The following KIFBP variants were observed in gnomAD, a reference collection of about 807,000 sequenced individuals.
The protein encoded by KIFBP is kinesin family binding protein, also known as KIF-binding protein.
In KIFBP, 46 loss-of-function variants were observed where a neutral mutation model predicts 58.9. That is an observed-to-expected ratio of 0.78 (90% CI 0.62 to 1.00). The LOEUF is 1.00. KIFBP is among the 50% of genes least tolerant of loss of function. The pLI is 0.00. For synonymous variants in KIFBP, 241 were observed against 283.4 expected, an observed-to-expected ratio of 0.85 and a Z score of 1.50; for missense variants, 651 against 752.9, an observed-to-expected ratio of 0.86 and a Z score of 1.58.
In KIFBP at chr10:69,008,880, A is replaced by G; in HGVS notation, c.829A>G (p.Asn277Asp). Residue 277 changes from asparagine (N) to aspartate (D), a missense_variant, in exon 5 of 7, where the codon AAT becomes GAT. Transcript: ENST00000361983. The part of the protein sequence containing the change: ...MEARHCLSAA[N>D]VIFGQTGKIS... ...GGCCAGGCACTGTTTATCAGCTGCT[A>G]ATGTCATTTTTGGTCAAACTGGAAA... 1.9e-6 allele frequency: 3 copies of G among 1,613,806 alleles called. No individual in the cohort carries two copies. Among genetic ancestry groups the G allele is most frequent in the Non-Finnish European group, 2.5e-6 (3 of 1,179,828 alleles).
At chr10:69,015,446 T>C (rs1564639326) in intron 6 of KIFBP, 95 bp from the exon 7 acceptor site, 9 of 1,237,178 alleles carry the variant, frequency 7.3e-6, no homozygotes, top group Non-Finnish European at 1.0e-5. Context: ...AGTAAGAGAC[T>C]TCTCTTCTAA....
chr10:68,989,419 G>A, intron 1 of KIFBP, 161 bp downstream of exon 1: 2 of 795,642 alleles, frequency 2.5e-6, no homozygotes, highest in South Asian at 1.6e-5. Flanking sequence ...CTTCAAAAAA[G>A]CCAGTCTTAT....
intron 1 of KIFBP, among the ~76,000 whole-genome samples, chr10:68,993,736 G>A (rs1395029934): frequency 6.6e-6 from 1 of 152,020 alleles, no homozygotes; most frequent in African/African-American, 2.4e-5. Flanking sequence ...TTATGGGCAT[G>A]AGCCACTGAG....
At position 69,015,522 on chromosome 10, in the gene KIFBP, T is replaced by C. The variant is rs755355820; in HGVS notation, c.991-19T>C. 9.3e-6 allele frequency: 15 copies of C among 1,611,510 alleles called. No individual in the cohort carries two copies. Among genetic ancestry groups the C allele is most frequent in the Non-Finnish European group, 1.3e-5 (15 of 1,178,684 alleles). ...GGTGAGTGTCCTACTTAACCATAAT[T>C]TATTTTTTTTTCCTTCAGGACAACA... On this transcript the variant is annotated intron_variant, in intron 6 of 6. Transcript: ENST00000361983.
rs34786287 is a variant in KIFBP at position 69,011,683 on chromosome 10, C to CTTT, written c.990+695_990+697dup. 9.4e-4 allele frequency among the ~76,000 whole-genome samples: 40 copies of CTTT among 42,538 alleles called. 1 individual carries two copies. Among genetic ancestry groups the CTTT allele is most frequent in the African/African-American group, 2.4e-3 (24 of 9,912 alleles). The allele number at this position is 42,538 out of a possible 152,430, so 27.9% of individuals were successfully genotyped here. A position where few individuals can be genotyped will look rare whatever the true frequency, so the allele number is the denominator to read the frequency against. On this transcript the variant is annotated intron_variant, in intron 6 of 6. Transcript: ENST00000361983. ...ACAGGTGTGAGCCACTGTGCCTAAT[C>CTTT]TTTTTTTTTTTTTTTTTTTTTTTTT...
chr10:69,016,473 A>G lies in KIFBP; in HGVS notation c.*57A>G. The stretch of plus-strand genomic sequence containing the variant: ...ATTGAAGTGATCTTTTTCCCTAGTC[A>G]GACAGGCCCAATTCCATTGTGATGT... On this transcript the variant is annotated 3_prime_UTR_variant, in exon 7 of 7. Coordinates refer to ENST00000361983, the MANE Select transcript of KIFBP (RefSeq NM_015634.4). 1.3e-6 allele frequency: 2 copies of G among 1,558,776 alleles called. No individual in the cohort carries two copies. The highest frequency in any genetic ancestry group is 1.1e-5 in the South Asian group (1 of 89,588).
intron 2 of KIFBP, among the ~76,000 whole-genome samples, chr10:69,004,288 T>C (rs1247099975): frequency 6.7e-6 from 1 of 149,638 alleles, no homozygotes; most frequent in East Asian, 2.0e-4. Flanking sequence ...GTTTCAGCAC[T>C]TTGGGAGGCT....
rs1211667916 is a variant in KIFBP, at chr10:69,008,377, T to TAAAAAAAAAAAAAAA, written c.790-463_790-449dup. Among the ~76,000 whole-genome samples the TAAAAAAAAAAAAAAA allele has an allele frequency of 3.2e-4, 24 of 75,412 alleles. 3 individuals are homozygous for TAAAAAAAAAAAAAAA. Among genetic ancestry groups the TAAAAAAAAAAAAAAA allele is most frequent in the African/African-American group, 1.7e-3 (20 of 12,000 alleles). The allele number at this position is 75,412 out of a possible 152,430, so 49.5% of individuals were successfully genotyped here. On this transcript the variant is annotated intron_variant, in intron 4 of 6. Transcript: ENST00000361983. ...GGGCCAGAGTGAGACCCCTGTCTCGTAAAAAAAAAAAAAAATATATATATA... is the reference window on the plus strand; with the variant it reads ...GGGCCAGAGTGAGACCCCTGTCTCGTAAAAAAAAAAAAAAAAAAAAAAAAAAAAAATATATATATA...
intron 1 of KIFBP, among the ~76,000 whole-genome samples, chr10:68,999,550 C>G (rs1177551167): frequency 6.6e-6 from 1 of 152,092 alleles, no homozygotes; most frequent in African/African-American, 2.4e-5. Context: ...ATATTGTTGA[C>G]CTGCTGGGGC....
chr10:69,010,230 AATT>A (rs1395652194), intron 5 of KIFBP, among the ~76,000 whole-genome samples: 1 of 152,180 alleles, frequency 6.6e-6, no homozygotes, highest in Non-Finnish European at 1.5e-5. Flanking sequence ...TGTTGAAAAT[AATT>A]TGGCTGTATG....
At chr10:69,004,357 AC>A (rs1409583405) in intron 2 of KIFBP, among the ~76,000 whole-genome samples, 3 of 151,630 alleles carry the variant, frequency 2.0e-5, no homozygotes, top group Admixed American at 1.3e-4. Context: ...ACAGAGCAAG[AC>A]CCCCATCTCT....
intron 3 of KIFBP, 86 bp downstream of exon 3, chr10:69,005,211 T>A: frequency 1.0e-6 from 1 of 1,003,920 alleles, no homozygotes; most frequent in Non-Finnish European, 1.6e-6. Context: ...ATAAAGGTTA[T>A]AGAATGTGGA....
At chr10:68,993,515 G>A (rs1843373114) in intron 1 of KIFBP, among the ~76,000 whole-genome samples, 2 of 151,940 alleles carry the variant, frequency 1.3e-5, no homozygotes, top group Admixed American at 1.3e-4. Context: ...TCAATTTTGT[G>A]TGTGCAAGGT....
chr10:69,010,519 C>A (rs909038160), intron 5 of KIFBP, among the ~76,000 whole-genome samples: 1 of 152,192 alleles, frequency 6.6e-6, no homozygotes, highest in African/African-American at 2.4e-5. Context: ...TCTCCACAAC[C>A]ATCTGTTGTG....
intron 2 of KIFBP, among the ~76,000 whole-genome samples, chr10:69,001,977 C>G (rs1454595004): frequency 6.6e-6 from 1 of 151,676 alleles, no homozygotes; most frequent in Admixed American, 6.6e-5. Context: ...TGAGACCAGC[C>G]TGCGCAACAC....
chr10:68,994,444 T>A (rs1449018235), intron 1 of KIFBP, among the ~76,000 whole-genome samples: 1 of 152,140 alleles, frequency 6.6e-6, no homozygotes, highest in Non-Finnish European at 1.5e-5. Context: ...CTATATTATT[T>A]ATCAAAAGAG....
chr10:69,008,964 A>C, intron 5 of KIFBP, 39 bp downstream of exon 5: 1 of 1,518,710 alleles, frequency 6.6e-7, no homozygotes, highest in Non-Finnish European at 9.1e-7. Context: ...GCTTTTAAAA[A>C]AAGTTTTATT....
In KIFBP at chr10:69,015,679, G is replaced by A. The variant is rs960846058; in HGVS notation, c.1129G>A (p.Val377Ile). ...TGAACTGTGTGATGCCATCTCTGCAGTAGAAGAGAAAGTGAGCTACTTGAG... is the reference window on the plus strand; with the variant it reads ...TGAACTGTGTGATGCCATCTCTGCAATAGAAGAGAAAGTGAGCTACTTGAG... ...TGELCDAISA[V>I]EEKVSYLRPL... Residue 377 changes from valine to isoleucine, a missense_variant, in exon 7 of 7, where the codon GTA becomes ATA. Val to Ile is a conservative substitution (Grantham distance 29, BLOSUM62 3). Coordinates refer to ENST00000361983, the MANE Select transcript of KIFBP (RefSeq NM_015634.4). 1 of 1,614,236 alleles carries A rather than the reference G, an allele frequency of 6.2e-7. No homozygotes were observed. Among genetic ancestry groups the A allele is most frequent in the African/African-American group, 1.3e-5 (1 of 75,064 alleles).
chr10:68,989,282 G>A (rs770505346), intron 1 of KIFBP, 24 bp downstream of exon 1: 2 of 1,609,572 alleles, frequency 1.2e-6, no homozygotes, highest in Admixed American at 1.7e-5. Flanking sequence ...CGGCCAGGCC[G>A]GCCCCTGTTG....
Sources: gnomAD v4.1 joint callset for allele counts (sites outside exome capture counted in the v4.1 genomes callset) on GRCh38, gnomAD v4.1.1 for gene constraint, MANE v1.5 for transcripts, NCBI Gene and HGNC (gene_info 2026-07-23, HGNC 2026-07-21) for gene names.